The following KMT2C variants were observed in gnomAD, a reference collection of about 807,000 sequenced individuals.
The protein encoded by KMT2C is histone-lysine N-methyltransferase 2C.
Under a neutral mutation model 507.9 loss-of-function variants are expected in KMT2C, and 88 were observed. The ratio of observed to expected loss-of-function variants is 0.17; its 90% CI spans 0.15 to 0.21. The LOEUF is 0.21. Ranked by LOEUF, KMT2C falls within the 10% of genes least tolerant of loss-of-function variation. The probability of loss-of-function intolerance (pLI) is 1.00; values close to 1 mark genes in which losing one functional copy is unlikely to be tolerated. For missense variants in KMT2C, 4,954 were observed against 5,957.8 expected (o/e 0.83, Z 5.55); for synonymous variants, 2,049 against 2,080.8 (o/e 0.98, Z 0.42).
rs2093373942 is a variant in KMT2C, at chr7:152,179,901, G to T, written c.7375C>A (p.Pro2459Thr). The change falls in exon 37 of 59, where the codon CCA becomes ACA. Residue 2459 changes from proline (P) to threonine (T), a missense_variant. By Grantham distance (38) the Pro-to-Thr change is conservative. Coordinates refer to ENST00000262189, the MANE Select transcript of KMT2C (RefSeq NM_170606.3). ...PPLGPRYAVFPKDQRGPYPPD... is the reference protein window; with the variant it reads ...PPLGPRYAVFTKDQRGPYPPD... ...GGATAGGGTCCACGCTGATCTTTTG[G>T]GAAAACAGCATATCTAGGTCCTAAA... The T allele has an allele frequency of 6.2e-7, 1 of 1,613,884 alleles. No homozygotes were observed. The highest frequency in any genetic ancestry group is 1.3e-5 in the African/African-American group (1 of 74,876).
intron 3 of KMT2C, among the ~76,000 whole-genome samples, chr7:152,325,905 G>T (rs916910155): frequency 4.6e-5 from 7 of 150,852 alleles, no homozygotes; most frequent in African/African-American, 1.7e-4. Flanking sequence ...AATAAATTAG[G>T]TCTTTCTTTT....
intron 14 of KMT2C, among the ~76,000 whole-genome samples, chr7:152,247,327 C>T (rs2095487456): frequency 6.6e-6 from 1 of 152,040 alleles, no homozygotes; most frequent in East Asian, 1.9e-4. Flanking sequence ...TCTTTACTTA[C>T]TGAAAATCAA....
At position 152,152,889 on chromosome 7, in the gene KMT2C, C is replaced by T. The variant is rs1027353520; in HGVS notation, c.12342G>A (p.Glu4114=). 2 of 1,614,054 alleles carry T rather than the reference C, an allele frequency of 1.2e-6. No individual in the cohort carries two copies. The highest frequency in any genetic ancestry group is 8.5e-7 in the Non-Finnish European group (1 of 1,180,030). Reference sequence around the variant, plus strand: ...ATGGGACATCTGGAGCACTGCTAACCTCATAGCTGTTAGGGATTCGGACGT... The same window carrying T: ...ATGGGACATCTGGAGCACTGCTAACTTCATAGCTGTTAGGGATTCGGACGT... The part of the protein sequence containing the change: ...LLHVRIPNSY[E]VSSAPDVPSM... The change falls in exon 49 of 59, where the codon GAG becomes GAA. Residue 4114 remains glutamate, a synonymous_variant. Transcript: ENST00000262189.
intron 9 of KMT2C, among the ~76,000 whole-genome samples, chr7:152,255,126 T>TATATACAC (rs1554583778): frequency 3.3e-5 from 4 of 119,770 alleles, no homozygotes; most frequent in African/African-American, 1.5e-4. Context: ...TATATATATA[T>TATATACAC]ATATATATAT....
intron 1 of KMT2C, among the ~76,000 whole-genome samples, chr7:152,409,351 G>A (rs1589813526): frequency 6.6e-6 from 1 of 151,820 alleles, no homozygotes; most frequent in Non-Finnish European, 1.5e-5. Context: ...TAATAGTTAT[G>A]AGCTTTTTAA....
intron 55 of KMT2C, among the ~76,000 whole-genome samples, chr7:152,140,966 G>A (rs1026563632): frequency 3.9e-5 from 6 of 152,330 alleles, no homozygotes; most frequent in Non-Finnish European, 7.4e-5. Flanking sequence ...TGGGCCAGGC[G>A]TGGTGACTCA....
chr7:152,401,704 T>C (rs542641327), intron 1 of KMT2C, among the ~76,000 whole-genome samples: 8 of 152,038 alleles, frequency 5.3e-5, no homozygotes, highest in Admixed American at 1.3e-4. Context: ...AATAAATAAA[T>C]AAACAAACAA....
At chr7:152,394,399 G>A (rs2097524349) in intron 1 of KMT2C, among the ~76,000 whole-genome samples, 1 of 152,308 alleles carries the variant, frequency 6.6e-6, no homozygotes, top group Non-Finnish European at 1.5e-5. Flanking sequence ...TGCCACACTG[G>A]CCCTTTCAGT....
At chr7:152,289,623 C>G (rs2096372301) in intron 6 of KMT2C, among the ~76,000 whole-genome samples, 1 of 152,086 alleles carries the variant, frequency 6.6e-6, no homozygotes, top group South Asian at 2.1e-4. Flanking sequence ...CCTGTCACTT[C>G]AAGGAAAACA....
intron 1 of KMT2C, among the ~76,000 whole-genome samples, chr7:152,415,377 T>C (rs2097723882): frequency 6.6e-6 from 1 of 152,236 alleles, no homozygotes. Flanking sequence ...TATAAATAAT[T>C]GAATAAAATC....
At chr7:152,393,118 T>C (rs1230925555) in intron 1 of KMT2C, among the ~76,000 whole-genome samples, 4 of 152,078 alleles carry the variant, frequency 2.6e-5, no homozygotes, top group Non-Finnish European at 5.9e-5. Flanking sequence ...TTTGTTTTTT[T>C]CCACCACCCC....
At chr7:152,412,580 T>C (rs1489042785) in intron 1 of KMT2C, among the ~76,000 whole-genome samples, 1 of 152,114 alleles carries the variant, frequency 6.6e-6, no homozygotes, top group Non-Finnish European at 1.5e-5. Flanking sequence ...TCTCCAACTT[T>C]CTAATCCTCT....
intron 2 of KMT2C, among the ~76,000 whole-genome samples, chr7:152,351,530 A>G (rs972761040): frequency 3.9e-5 from 6 of 152,224 alleles, no homozygotes; most frequent in South Asian, 2.1e-4. Context: ...GTATATGACT[A>G]AAGTGGACTC....
intron 9 of KMT2C, among the ~76,000 whole-genome samples, chr7:152,261,305 C>T (rs1048549378): frequency 6.6e-6 from 1 of 152,158 alleles, no homozygotes; most frequent in East Asian, 1.9e-4. Context: ...TTAACACTGG[C>T]GTGACCTACT....
intron 1 of KMT2C, among the ~76,000 whole-genome samples, chr7:152,375,626 T>A (rs1216914673): frequency 1.3e-5 from 2 of 152,018 alleles, no homozygotes; most frequent in African/African-American, 4.8e-5. Flanking sequence ...CCTCAGGTGA[T>A]CCACCCGCCT....
Position 152,250,894 on chromosome 7 carries a change from T to G in KMT2C, c.1694A>C (p.Asp565Ala). ...MVFSEQAANK[D>A]VNGQESTPGI... ...AGGAGTGGACTCCTGACCGTTGACATCTTTATTAGCTGCCTGCTCTGAGAA... is the reference window on the plus strand; with the variant it reads ...AGGAGTGGACTCCTGACCGTTGACAGCTTTATTAGCTGCCTGCTCTGAGAA... Residue 565 changes from aspartate to alanine, a missense_variant, in exon 12 of 59, where the codon GAT (aspartate) becomes GCT (alanine). By Grantham distance (126) the Asp-to-Ala change is moderately radical. Around this residue, in one of 29 missense-constraint regions of KMT2C, gnomAD observed 376 missense variants for 352.4 expected, o/e 1.07. Coordinates refer to ENST00000262189, the MANE Select transcript of KMT2C (RefSeq NM_170606.3). 1 of 1,610,372 alleles carries G rather than the reference T, an allele frequency of 6.2e-7. No homozygotes were observed. The highest frequency in any genetic ancestry group is 8.5e-7 in the Non-Finnish European group (1 of 1,176,660).
intron 2 of KMT2C, among the ~76,000 whole-genome samples, chr7:152,348,548 G>T (rs568088793): frequency 1.4e-5 from 2 of 141,688 alleles, no homozygotes; most frequent in African/African-American, 5.3e-5. Context: ...GCAGTGAGCC[G>T]AGATTGTGCC....
Position 152,190,810 on chromosome 7 carries a change from C to T in KMT2C, c.4661-2963G>A, listed in dbSNP as rs183798842. ...TTACACTTTGCCTCCCCTTTCTCAT[C>T]AATTCTATTGAAGTTACTCCACTGA... On this transcript the variant is annotated intron_variant, in intron 31 of 58. Transcript: ENST00000262189. Among the ~76,000 whole-genome samples the T allele has an allele frequency of 1.1e-3, 172 of 152,242 alleles. No homozygotes were observed. In the East Asian group the frequency reaches 0.024, roughly 22 times the overall value.
chr7:152,392,896 G>A (rs2097510763), intron 1 of KMT2C, among the ~76,000 whole-genome samples: 1 of 152,078 alleles, frequency 6.6e-6, no homozygotes. Flanking sequence ...TTTTTTTGAA[G>A]GAAGAAAGGG....
Sources: gnomAD v4.1 joint callset for allele counts (sites outside exome capture counted in the v4.1 genomes callset) on GRCh38, gnomAD v4.1.1 for gene constraint, gnomAD v4.1.1 regional missense constraint, MANE v1.5 for transcripts, NCBI Gene and HGNC (gene_info 2026-07-23, HGNC 2026-07-21) for gene names.